CLCN7: variants seen among roughly 807,000 people sequenced by gnomAD.
The protein encoded by CLCN7 is H(+)/Cl(-) exchange transporter 7.
CLCN7 carries 60 observed loss-of-function variants against 102.1 expected under a neutral mutation model. That is an observed-to-expected ratio of 0.59 (90% CI 0.48 to 0.73). The LOEUF (loss-of-function observed/expected upper bound fraction) is 0.73, where lower values mean the gene tolerates loss of function less well. Ranked by LOEUF, CLCN7 falls within the 30% of genes least tolerant of loss-of-function variation. The pLI is 0.00. For missense variants in CLCN7, 962 were observed against 1,125.7 expected, an observed-to-expected ratio of 0.85 and a Z score of 2.08; for synonymous variants, 560 against 490.5, an observed-to-expected ratio of 1.14 and a Z score of -1.87.
At chr16:1,471,606 C>T (rs1234204274) in intron 1 of CLCN7, 1 of 152,256 alleles carries the variant, frequency 6.6e-6, no homozygotes, top group African/African-American at 2.4e-5. Flanking sequence ...GGTTTTAACA[C>T]GACCGGGCAC....
chr16:1,467,745 C>T (rs1348442313), intron 1 of CLCN7: 1 of 152,346 alleles, frequency 6.6e-6, no homozygotes, highest in Non-Finnish European at 1.5e-5. Flanking sequence ...TCTCTAACGC[C>T]ACTCAAGGCC....
At chr16:1,453,948 C>A in intron 13 of CLCN7, 54 bp from the exon 14 acceptor site, 1 of 1,543,412 alleles carries the variant, frequency 6.5e-7, no homozygotes, top group East Asian at 2.4e-5. Context: ...TGCGGGCCTC[C>A]GCCCGCCGGC....
In CLCN7 at chr16:1,474,928, T is replaced by C; in HGVS notation, c.47A>G (p.Asp16Gly). 6.8e-7 allele frequency: 1 copy of C among 1,478,516 alleles called. No individual in the cohort carries two copies. Among genetic ancestry groups the C allele is most frequent in the Non-Finnish European group, 8.9e-7 (1 of 1,119,368 alleles). 91.6% of individuals were successfully genotyped at this position (1,478,516 alleles called of 1,614,324 possible). A position where few individuals can be genotyped will look rare whatever the true frequency, so the allele number is the denominator to read the frequency against. The change falls in exon 1 of 25, where the codon GAC becomes GGC. Residue 16 changes from aspartate (D) to glycine (G), a missense_variant. Asp to Gly is a moderately conservative substitution (Grantham distance 94). This residue lies in a region of CLCN7 where 163 missense variants were observed against 137.7 expected (regional missense o/e 1.18). Coordinates refer to ENST00000382745, the MANE Select transcript of CLCN7 (RefSeq NM_001287.6). Reference protein sequence around the residue: ...KKVSWSGRDRDDEEAAPLLRR... With the variant: ...KKVSWSGRDRGDEEAAPLLRR... ...CAGCAGCGGCGCCGCCTCCTCGTCG[T>C]CCCGGTCCCGGCCGGACCAGGACAC...
chr16:1,454,806 G>T lies in CLCN7; in HGVS notation c.1098+328C>A, dbSNP rs1463623468. Reference sequence around the variant, plus strand: ...TGGCACGGAGAGTCTCCCCAGCCCAGGCCCCAGGCTACCCTGGAAACTAGG... The same window carrying T: ...TGGCACGGAGAGTCTCCCCAGCCCATGCCCCAGGCTACCCTGGAAACTAGG... On this transcript the variant is annotated intron_variant, in intron 12 of 24. Transcript: ENST00000382745. Among the ~76,000 whole-genome samples the T allele has an allele frequency of 3.9e-5, 6 of 152,206 alleles. No individual in the cohort carries two copies. The East Asian group carries it at 1.2e-3, about 29-fold the overall frequency.
Position 1,449,101 on chromosome 16 carries a change from A to C in CLCN7, c.1670-8T>G. 6.2e-7 allele frequency: 1 copy of C among 1,612,686 alleles called. No individual in the cohort carries two copies. The highest frequency in any genetic ancestry group is 8.5e-7 in the Non-Finnish European group (1 of 1,179,954). On this transcript the variant is annotated splice_region_variant and splice_polypyrimidine_tract_variant and intron_variant, in intron 18 of 24. Coordinates refer to ENST00000382745, the MANE Select transcript of CLCN7 (RefSeq NM_001287.6). The stretch of plus-strand genomic sequence containing the variant: ...TCATCCGCACAATCCCGCCTGCGGG[A>C]GCCATCATGAACCCCAGCACGTCCA...
intron 7 of CLCN7, 131 bp downstream of exon 7, chr16:1,458,976 T>TA: frequency 1.4e-6 from 1 of 704,888 alleles, no homozygotes; most frequent in South Asian, 1.9e-5. Context: ...AGCCAGCCCA[T>TA]CTGCACACAG....
rs1372472869 is a variant in CLCN7, at chr16:1,456,204, G to A, written c.825C>T (p.Ile275=). The change falls in exon 10 of 25, where the codon ATC becomes ATT. Residue 275 remains isoleucine (I), a splice_region_variant and synonymous_variant. Transcript: ENST00000382745. ...RSTSLKRDFK[I]FEYFRRDTEK... ...CTGTGTCTCTGCGGAAGTACTCGAA[G>A]ATCTGCAACAGGGACAGACCAGGGT... 7 of 1,563,388 alleles carry A rather than the reference G, an allele frequency of 4.5e-6. No individual in the cohort carries two copies. Among genetic ancestry groups the A allele is most frequent in the Non-Finnish European group, 6.1e-6 (7 of 1,153,138 alleles).
chr16:1,467,455 G>A (rs1389278393), intron 1 of CLCN7, among the ~76,000 whole-genome samples: 1 of 152,158 alleles, frequency 6.6e-6, no homozygotes, highest in African/African-American at 2.4e-5. Context: ...AGGCATGATG[G>A]AAGCAGTGGC....
chr16:1,466,343 C>T (rs1250208799), intron 1 of CLCN7, among the ~76,000 whole-genome samples: 1 of 152,218 alleles, frequency 6.6e-6, no homozygotes, highest in Non-Finnish European at 1.5e-5. Context: ...CGGCCTCCCG[C>T]ACCAGGTTTC....
chr16:1,455,809 G>A lies in CLCN7; in HGVS notation c.917-14C>T, dbSNP rs754878952. On this transcript the variant is annotated splice_polypyrimidine_tract_variant and intron_variant, in intron 10 of 24. Coordinates refer to ENST00000382745, the MANE Select transcript of CLCN7 (RefSeq NM_001287.6). ...ACAGGACCCCACCTGGAAGGCAGGC[G>A]GCCGGCTCGGGTGCCAGCTGGACAC... 66 of 1,612,412 alleles carry A rather than the reference G, an allele frequency of 4.1e-5. No individual in the cohort carries two copies. Among genetic ancestry groups the A allele is most frequent in the African/African-American group, 5.3e-5 (4 of 74,932 alleles).
Position 1,447,101 on chromosome 16 carries a change from C to T in CLCN7, c.2251-15G>A, listed in dbSNP as rs750042817. On this transcript the variant is annotated splice_polypyrimidine_tract_variant and intron_variant, in intron 23 of 24. Transcript: ENST00000382745. ...AGCGACGCCTCCTGCAGCAGGGGCA[C>T]AGCTGTCAGTGCCCGCCCACACAGC... is the stretch of plus-strand genomic sequence containing the variant. The T allele has an allele frequency of 1.3e-6, 2 of 1,586,730 alleles. No individual in the cohort carries two copies. Among genetic ancestry groups the T allele is most frequent in the African/African-American group, 1.3e-5 (1 of 74,538 alleles).
chr16:1,452,819 A>G lies in CLCN7; in HGVS notation c.1289T>C (p.Val430Ala). The change falls in exon 15 of 25, where the codon GTG becomes GCG. Residue 430 changes from valine (V) to alanine (A), a missense_variant. By Grantham distance (64) the Val-to-Ala change is moderately conservative (BLOSUM62 0). Around this residue, in one of 2 missense-constraint regions of CLCN7, gnomAD observed 799 missense variants for 988.0 expected, o/e 0.81. Coordinates refer to ENST00000382745, the MANE Select transcript of CLCN7 (RefSeq NM_001287.6). ...VAAVTATVAF[V>A]LIYSSRDCQP... ...GCAATCCCGCGACGAGTAGATCAGC[A>G]CGAAGGCAACTGTGGCCGTGACGGC... The G allele has an allele frequency of 1.2e-6, 2 of 1,603,764 alleles. No homozygotes were observed. Among genetic ancestry groups the G allele is most frequent in the Non-Finnish European group, 1.7e-6 (2 of 1,175,614 alleles).
chr16:1,448,163 C>G, intron 21 of CLCN7, 192 bp downstream of exon 21: 1 of 791,604 alleles, frequency 1.3e-6, no homozygotes, highest in Non-Finnish European at 2.0e-6. Context: ...CCTGCCAGGC[C>G]GCAGCCCCCC....
Position 1,454,600 on chromosome 16 carries a change from G to A in CLCN7, c.1099-135C>T, listed in dbSNP as rs1298203091. 3.5e-6 allele frequency: 3 copies of A among 857,740 alleles called. No individual in the cohort carries two copies. In the African/African-American group the frequency reaches 5.0e-5, roughly 14 times the overall value. The allele number at this position is 857,740 out of a possible 1,614,324, so 53.1% of individuals were successfully genotyped here. On this transcript the variant is annotated intron_variant, in intron 12 of 24. Coordinates refer to ENST00000382745, the MANE Select transcript of CLCN7 (RefSeq NM_001287.6). Reference sequence around the variant, plus strand: ...TTCCCGCCCTTCCACGCAGGCTGCGGAAGTCCACAGGGGAGAAACACACTG... The same window carrying A: ...TTCCCGCCCTTCCACGCAGGCTGCGAAAGTCCACAGGGGAGAAACACACTG...
Position 1,457,293 on chromosome 16 carries a change from G to T in CLCN7, c.783C>A (p.Ile261=). 1 of 1,614,070 alleles carries T rather than the reference G, an allele frequency of 6.2e-7. No homozygotes were observed. Among genetic ancestry groups the T allele is most frequent in the Non-Finnish European group, 8.5e-7 (1 of 1,180,036 alleles). The stretch of plus-strand genomic sequence containing the variant: ...TCAGTGACGTTGACCTTCCCTGAGA[G>T]ATCCCGGCGGCAATCACTGAACCTG... ...IHSGSVIAAG[I]SQGRSTSLKR... is the part of the protein sequence containing the mutation. Residue 261 remains isoleucine (I), a synonymous_variant, in exon 9 of 25, where the codon ATC becomes ATA. Coordinates refer to ENST00000382745, the MANE Select transcript of CLCN7 (RefSeq NM_001287.6). The surrounding 1 kb of genome is among the most constrained non-coding windows in gnomAD (Gnocchi z 5.4).
chr16:1,464,787 A>C (rs1256817923), intron 2 of CLCN7, among the ~76,000 whole-genome samples: 1 of 152,196 alleles, frequency 6.6e-6, no homozygotes, highest in Non-Finnish European at 1.5e-5. Flanking sequence ...TCCCGGCCTC[A>C]CCAGCGGCTG....
rs905533562 is a variant in CLCN7, at chr16:1,447,301, C to G, written c.2250+91G>C. ...AGTCACCGAGTCCTCTCCGCTGTGG[C>G]CCCCCCCGGCTGCCCCTCCCCGAGG... On this transcript the variant is annotated intron_variant, in intron 23 of 24. Transcript: ENST00000382745. 26 of 1,280,898 alleles carry G rather than the reference C, an allele frequency of 2.0e-5. No individual in the cohort carries two copies. In the Admixed American group the frequency reaches 5.0e-4, roughly 25 times the overall value. The allele number at this position is 1,280,898 out of a possible 1,614,324, so 79.3% of individuals were successfully genotyped here. A position where few individuals can be genotyped will look rare whatever the true frequency, so the allele number is the denominator to read the frequency against.
At chr16:1,446,747 C>G (rs376661688) in intron 24 of CLCN7, 30 bp from the exon 25 acceptor site, 2 of 1,537,038 alleles carry the variant, frequency 1.3e-6, no homozygotes, top group Non-Finnish European at 1.8e-6. Context: ...CACAGTGACA[C>G]ACGGGTCGGC....
rs1445523153 is a variant in CLCN7 at position 1,450,638 on chromosome 16, C to T, written c.1476G>A (p.Leu492=). 1 of 1,612,264 alleles carries T rather than the reference C, an allele frequency of 6.2e-7. No individual in the cohort carries two copies. The highest frequency in any genetic ancestry group is 2.2e-5 in the East Asian group (1 of 44,864). The change falls in exon 17 of 25, where the codon CTG becomes CTA. Residue 492 remains leucine, a synonymous_variant. Transcript: ENST00000382745. The stretch of plus-strand genomic sequence containing the variant: ...CCAGGAAGAAGTAGACCAGCGTGAA[C>T]AGGCCGAGGGTCAGGGGGTTGTAGG... The part of the protein sequence containing the change: ...PGSYNPLTLG[L]FTLVYFFLAC...
Sources: allele counts gnomAD v4.1 joint callset (sites outside exome capture counted in the v4.1 genomes callset), GRCh38; gene constraint gnomAD v4.1.1; regional missense constraint gnomAD v4.1.1; non-coding constraint Gnocchi (gnomAD v3.1); transcripts MANE v1.5; gene names NCBI Gene and HGNC (gene_info 2026-07-23, HGNC 2026-07-21).